The following RELCH variants were observed in gnomAD, a reference collection of about 807,000 sequenced individuals.
The protein encoded by RELCH is RAB11 binding and LisH domain, coiled-coil and HEAT repeat containing.
Under a neutral mutation model 150.3 loss-of-function variants are expected in RELCH, and 41 were observed. The observed-to-expected ratio is 0.27, with a 90% CI of 0.21 to 0.35. The LOEUF (loss-of-function observed/expected upper bound fraction) is 0.35. Among genes scored for constraint, RELCH ranks in the 10% least tolerant of loss-of-function variants. The pLI is 1.00. For synonymous variants in RELCH, 478 were observed against 531.8 expected (o/e 0.90, Z 1.39); for missense variants, 1,092 against 1,467.8 (o/e 0.74, Z 4.18).
intron 1 of RELCH, among the ~76,000 whole-genome samples, chr18:62,203,514 A>G (rs2039582682): frequency 6.6e-6 from 1 of 152,226 alleles, no homozygotes. Context: ...TAAACAAAAT[A>G]TAATTTTATA....
chr18:62,253,120 A>G (rs2042810959), intron 12 of RELCH, among the ~76,000 whole-genome samples: 1 of 152,134 alleles, frequency 6.6e-6, no homozygotes, highest in South Asian at 2.1e-4. Flanking sequence ...TAAGGGTGAG[A>G]GAGTGATGGG....
At chr18:62,282,552 T>C in intron 25 of RELCH, 108 bp downstream of exon 25, 1 of 1,074,650 alleles carries the variant, frequency 9.3e-7, no homozygotes, top group Non-Finnish European at 1.4e-6. Flanking sequence ...TTGTCATGTG[T>C]TAAAGCCTTG....
intron 20 of RELCH, among the ~76,000 whole-genome samples, chr18:62,272,945 TA>T (rs2144833741): frequency 6.6e-6 from 1 of 152,088 alleles, no homozygotes; most frequent in East Asian, 1.9e-4. Context: ...TTGTGTGTCC[TA>T]AAACTGTTAT....
chr18:62,296,654 A>G (rs1600281660), intron 27 of RELCH, among the ~76,000 whole-genome samples: 1 of 151,414 alleles, frequency 6.6e-6, no homozygotes, highest in Non-Finnish European at 1.5e-5. Context: ...TTTGCTTTGT[A>G]TGTTTCTTAG....
At chr18:62,228,838 G>A (rs1030186294) in intron 8 of RELCH, among the ~76,000 whole-genome samples, 1 of 151,990 alleles carries the variant, frequency 6.6e-6, no homozygotes, top group East Asian at 1.9e-4. Flanking sequence ...TTCTATCTTA[G>A]CTAAGTATTT....
rs1352225244 is a variant in RELCH, at chr18:62,301,251, A to G, written c.3530+2391A>G. The stretch of plus-strand genomic sequence containing the variant: ...GTACATGTGGGAGAATGGTAGAGAT[A>G]AGTATATAAAGGTAGGCAGGCACCA... On this transcript the variant is annotated intron_variant, in intron 28 of 28. Coordinates refer to ENST00000644646, the MANE Select transcript of RELCH (RefSeq NM_001346231.2). 5.9e-5 allele frequency among the ~76,000 whole-genome samples: 9 copies of G among 152,234 alleles called. No individual in the cohort carries two copies. In the East Asian group the frequency reaches 1.7e-3, roughly 29 times the overall value.
intron 8 of RELCH, among the ~76,000 whole-genome samples, chr18:62,229,551 A>G (rs967090850): frequency 2.0e-5 from 3 of 149,440 alleles, no homozygotes; most frequent in African/African-American, 7.4e-5. Context: ...TGTTGGTCAC[A>G]GAACTGAAAC....
intron 14 of RELCH, 54 bp downstream of exon 14, chr18:62,258,142 T>C: frequency 1.4e-6 from 2 of 1,414,396 alleles, no homozygotes; most frequent in Non-Finnish European, 2.0e-6. Context: ...CCAAGTATTA[T>C]AATATTCCAA....
At chr18:62,285,433 T>G (rs999854144) in intron 25 of RELCH, 1 of 152,218 alleles carries the variant, frequency 6.6e-6, no homozygotes. Flanking sequence ...TTTCCTCTTT[T>G]TCTTTCCCAC....
chr18:62,209,319 T>C (rs1447992353), intron 1 of RELCH, among the ~76,000 whole-genome samples: 1 of 152,240 alleles, frequency 6.6e-6, no homozygotes, highest in Non-Finnish European at 1.5e-5. Context: ...TTGCTTGTGA[T>C]GTGAAGTAGT....
At chr18:62,226,711 T>TA (rs891965345) in intron 5 of RELCH, among the ~76,000 whole-genome samples, 14 of 152,036 alleles carry the variant, frequency 9.2e-5, no homozygotes, top group African/African-American at 3.1e-4. Context: ...AGAGATATAA[T>TA]AAAAAAATTG....
In RELCH at chr18:62,228,543, A is replaced by G. The variant is rs1363826858; in HGVS notation, c.1393A>G (p.Met465Val). Residue 465 changes from methionine to valine, a missense_variant, in exon 8 of 29, where the codon ATG becomes GTG. Coordinates refer to ENST00000644646, the MANE Select transcript of RELCH (RefSeq NM_001346231.2). ...NSFPRREREG[M>V]PPSSLSSKKT... ...ATTCCCCAGGAGAGAAAGAGAAGGA[A>G]TGCCACCTTCTTCTCTATCAAGTAA... 1 of 1,612,670 alleles carries G rather than the reference A, an allele frequency of 6.2e-7. No homozygotes were observed. Among genetic ancestry groups the G allele is most frequent in the Admixed American group, 1.7e-5 (1 of 59,850 alleles).
intron 2 of RELCH, among the ~76,000 whole-genome samples, chr18:62,214,655 G>C (rs1207548730): frequency 6.6e-6 from 1 of 152,086 alleles, no homozygotes. Flanking sequence ...AGGCTGCCAT[G>C]ACCCCATAGC....
chr18:62,238,407 A>T (rs988963998), intron 10 of RELCH, among the ~76,000 whole-genome samples: 2 of 152,062 alleles, frequency 1.3e-5, no homozygotes, highest in African/African-American at 4.8e-5. Context: ...ATAGAAATAA[A>T]TATATTTGTC....
At chr18:62,261,436 G>C (rs977697895) in intron 15 of RELCH, 75 bp from the exon 16 acceptor site, 12 of 1,371,082 alleles carry the variant, frequency 8.8e-6, no homozygotes, top group Non-Finnish European at 1.1e-5. Context: ...CAGTAAGGAA[G>C]AACATCATAC....
intron 1 of RELCH, among the ~76,000 whole-genome samples, chr18:62,203,091 A>G (rs1201331270): frequency 6.6e-6 from 1 of 152,228 alleles, no homozygotes; most frequent in Admixed American, 6.5e-5. Context: ...ATATCTAGAT[A>G]TTAAATACAA....
intron 1 of RELCH, among the ~76,000 whole-genome samples, chr18:62,199,836 G>T (rs566804521): frequency 2.0e-5 from 3 of 152,288 alleles, no homozygotes; most frequent in East Asian, 3.9e-4. Context: ...CATGACTCTG[G>T]ATAGTCTTTG....
intron 28 of RELCH, among the ~76,000 whole-genome samples, chr18:62,301,639 G>A (rs1309390651): frequency 1.3e-5 from 2 of 152,178 alleles, no homozygotes; most frequent in Non-Finnish European, 2.9e-5. Flanking sequence ...GAAGATTGGA[G>A]TGGAGTCTGA....
intron 11 of RELCH, among the ~76,000 whole-genome samples, chr18:62,248,510 C>T (rs1300701201): frequency 6.6e-6 from 1 of 152,158 alleles, no homozygotes; most frequent in Non-Finnish European, 1.5e-5. Context: ...TTCATTCTTA[C>T]TATTCCAATT....
Sources: allele counts gnomAD v4.1 joint callset (sites outside exome capture counted in the v4.1 genomes callset), GRCh38; gene constraint gnomAD v4.1.1; transcripts MANE v1.5; gene names NCBI Gene and HGNC (gene_info 2026-07-23, HGNC 2026-07-21).